RP1: variants seen among roughly 807,000 people sequenced by gnomAD.
RP1 encodes the protein RP1 axonemal microtubule associated, also known as oxygen-regulated protein 1.
A neutral mutation model predicts 14.8 loss-of-function variants in RP1; 16 were observed. The observed-to-expected ratio is 1.08, with a 90% confidence interval of 0.73 to 1.65. RP1 has a LOEUF of 1.65. Ranked by LOEUF, RP1 falls within the 40% of genes most tolerant of loss-of-function variation. The probability of loss-of-function intolerance (pLI) is 0.00; values close to 1 mark genes in which losing one functional copy is unlikely to be tolerated. For missense variants in RP1, 2,631 were observed against 2,535.0 expected (o/e 1.04, Z -0.81); for synonymous variants, 876 against 883.6 (o/e 0.99, Z 0.15).
intron 1 of RP1, among the ~76,000 whole-genome samples, chr8:54,610,524 T>A (rs1554518511): frequency 6.6e-6 from 1 of 152,228 alleles, no homozygotes; most frequent in Non-Finnish European, 1.5e-5. Context: ...TTCAGTATAC[T>A]GCCTACTTGA....
At chr8:54,579,418 C>T (rs1804729554) in intron 1 of RP1, among the ~76,000 whole-genome samples, 1 of 152,096 alleles carries the variant, frequency 6.6e-6, no homozygotes, top group South Asian at 2.1e-4. Flanking sequence ...ACTCACCTTC[C>T]TAAGGAGACC....
At chr8:54,827,588 G>T (rs574740404) in intron 24 of RP1, among the ~76,000 whole-genome samples, 3 of 151,990 alleles carry the variant, frequency 2.0e-5, no homozygotes, top group Non-Finnish European at 4.4e-5. Context: ...CCTCAGCCTC[G>T]CAAAGTGCTG....
At chr8:54,813,348 G>A (rs1207669418) in intron 24 of RP1, among the ~76,000 whole-genome samples, 1 of 152,178 alleles carries the variant, frequency 6.6e-6, no homozygotes, top group Non-Finnish European at 1.5e-5. Flanking sequence ...AGCCTGCCTA[G>A]ACACCCAGGG....
chr8:54,828,672 T>C (rs1335575694), intron 24 of RP1, among the ~76,000 whole-genome samples: 1 of 152,078 alleles, frequency 6.6e-6, no homozygotes, highest in Non-Finnish European at 1.5e-5. Context: ...GACATTATCA[T>C]TATCAAGTAT....
At chr8:54,851,872 T>C (rs1812067615) in intron 25 of RP1, among the ~76,000 whole-genome samples, 1 of 152,222 alleles carries the variant, frequency 6.6e-6, no homozygotes, top group Admixed American at 6.5e-5. Flanking sequence ...ACTGCTCAAT[T>C]GCACAAAGTA....
At chr8:54,815,479 G>A (rs1238848795) in intron 24 of RP1, among the ~76,000 whole-genome samples, 3 of 152,164 alleles carry the variant, frequency 2.0e-5, no homozygotes, top group Non-Finnish European at 2.9e-5. Flanking sequence ...ATATTGATTT[G>A]CTGTACTCCA....
At chr8:54,813,801 G>T (rs923309882) in intron 24 of RP1, among the ~76,000 whole-genome samples, 1 of 152,132 alleles carries the variant, frequency 6.6e-6, no homozygotes, top group African/African-American at 2.4e-5. Flanking sequence ...TATGTTTGCT[G>T]TTTCTATTTT....
In RP1 at chr8:54,626,113, G is replaced by C. The variant is rs1327846453; in HGVS notation, c.2231G>C (p.Cys744Ser). ...SDTVIESNTF[C>S]SKSNLNSTIS... ...ACTGTAATTGAATCAAATACTTTTT[G>C]TTCCAAAAGTAATCTCAATTCCACG... Residue 744 changes from cysteine to serine, a missense_variant, in exon 4 of 4, where the codon TGT becomes TCT. Cys to Ser is a moderately radical substitution (Grantham distance 112). Transcript: ENST00000220676. The C allele has an allele frequency of 6.2e-7, 1 of 1,612,986 alleles. No homozygotes were observed. Among genetic ancestry groups the C allele is most frequent in the Admixed American group, 1.7e-5 (1 of 59,916 alleles).
At chr8:54,581,333 A>T (rs2129296766) in intron 1 of RP1, among the ~76,000 whole-genome samples, 1 of 152,198 alleles carries the variant, frequency 6.6e-6, no homozygotes, top group South Asian at 2.1e-4. Context: ...AAGGACATGA[A>T]CTCATCATTT....
At chr8:54,756,744 T>G (rs527586015) in intron 21 of RP1, among the ~76,000 whole-genome samples, 1 of 152,318 alleles carries the variant, frequency 6.6e-6, no homozygotes, top group South Asian at 2.1e-4. Context: ...ACCTGACTAC[T>G]TGAGGATAAA....
rs560463471 is a variant in RP1 at position 54,728,732 on chromosome 8, T to G, written c.2521+2256T>G. 1.2e-3 allele frequency among the ~76,000 whole-genome samples: 189 copies of G among 152,306 alleles called. 1 individual carries two copies. The highest frequency in any genetic ancestry group is 3.1e-3 in the Admixed American group (47 of 15,300). On this transcript the variant is annotated intron_variant, in intron 17 of 22. Transcript: ENST00000636932. ...AATTTGCAAGGCTGTCATTTAGGTC[T>G]AAACTGCATTATGATATTAATTTTG... is the stretch of plus-strand genomic sequence containing the variant.
chr8:54,569,358 T>A (rs1309938587), intron 1 of RP1, among the ~76,000 whole-genome samples: 3 of 152,238 alleles, frequency 2.0e-5, no homozygotes, highest in African/African-American at 4.8e-5. Flanking sequence ...CATGATGCCA[T>A]TTTGCATTTG....
intron 1 of RP1, among the ~76,000 whole-genome samples, chr8:54,582,070 G>C (rs1486010976): frequency 6.6e-6 from 1 of 152,092 alleles, no homozygotes; most frequent in African/African-American, 2.4e-5. Context: ...GACATGAAGT[G>C]CTTGCCCATG....
intron 15 of RP1, among the ~76,000 whole-genome samples, chr8:54,719,373 G>C (rs1036821220): frequency 6.6e-6 from 1 of 152,158 alleles, no homozygotes; most frequent in African/African-American, 2.4e-5. Flanking sequence ...GACTCCCTTG[G>C]TTCTTACTGA....
At chr8:54,723,846 G>A (rs1808590427) in intron 16 of RP1, among the ~76,000 whole-genome samples, 1 of 152,104 alleles carries the variant, frequency 6.6e-6, no homozygotes, top group Non-Finnish European at 1.5e-5. Context: ...ACCTATCTAT[G>A]TTTTTAGAAG....
chr8:54,688,329 T>A (rs971614292), intron 12 of RP1, among the ~76,000 whole-genome samples: 14 of 152,212 alleles, frequency 9.2e-5, no homozygotes, highest in African/African-American at 3.1e-4. Flanking sequence ...ACATCCCATT[T>A]GTCTATTTTG....
rs192163254 is a variant in RP1 at position 54,577,351 on chromosome 8, T to C, written c.-13+18031T>C. 2.4e-4 allele frequency among the ~76,000 whole-genome samples: 37 copies of C among 152,302 alleles called. No homozygotes were observed. The East Asian group carries it at 6.8e-3, about 28-fold the overall frequency. Reference sequence around the variant, plus strand: ...AATCAGTGAAAGCTATCTGAATAGATGGGAAACAACTGCCTATTTTTGGTG... The same window carrying C: ...AATCAGTGAAAGCTATCTGAATAGACGGGAAACAACTGCCTATTTTTGGTG... On this transcript the variant is annotated intron_variant, in intron 1 of 22. Transcript: ENST00000636932.
intron 1 of RP1, among the ~76,000 whole-genome samples, chr8:54,587,417 C>T (rs748787991): frequency 1.0e-3 from 150 of 142,960 alleles, no homozygotes; most frequent in Non-Finnish European, 1.9e-3. Flanking sequence ...CAGAGTGAGA[C>T]CCTGTCTCAA....
chr8:54,688,798 A>G (rs1178960345), intron 12 of RP1, among the ~76,000 whole-genome samples: 2 of 151,824 alleles, frequency 1.3e-5, no homozygotes, highest in Non-Finnish European at 2.9e-5. Context: ...CAATGCAGCT[A>G]TCTTTTGATT....
Sources: gnomAD v4.1 joint callset for allele counts (sites outside exome capture counted in the v4.1 genomes callset) on GRCh38, gnomAD v4.1.1 for gene constraint, MANE v1.5 for transcripts, NCBI Gene and HGNC (gene_info 2026-07-23, HGNC 2026-07-21) for gene names.